Variants in MYOZ2 observed in about 807,000 individuals in gnomAD.
The protein encoded by MYOZ2 is myozenin-2.
MYOZ2 carries 19 observed loss-of-function variants against 25.4 expected under a neutral mutation model. The observed-to-expected ratio is 0.75, with a 90% CI of 0.52 to 1.10. The LOEUF is 1.10. Among genes scored for constraint, MYOZ2 ranks in the 50% least tolerant of loss-of-function variants. MYOZ2 has a pLI of 0.00. For missense variants in MYOZ2, 270 were observed against 317.9 expected (o/e 0.85, Z 1.15); for synonymous variants, 92 against 106.9 (o/e 0.86, Z 0.86).
intron 2 of MYOZ2, among the ~76,000 whole-genome samples, chr4:119,150,332 T>C (rs1414680020): frequency 6.6e-6 from 1 of 152,114 alleles, no homozygotes; most frequent in Non-Finnish European, 1.5e-5. Flanking sequence ...GCATTTGAGC[T>C]GGATTGGGGA....
chr4:119,152,742 AT>A (rs1363455169), intron 3 of MYOZ2, among the ~76,000 whole-genome samples: 3 of 152,196 alleles, frequency 2.0e-5, no homozygotes, highest in Non-Finnish European at 2.9e-5. Flanking sequence ...ATATTGATAA[AT>A]AACACAAAGC....
At chr4:119,179,944 A>C (rs1742155006) in intron 5 of MYOZ2, among the ~76,000 whole-genome samples, 1 of 152,244 alleles carries the variant, frequency 6.6e-6, no homozygotes, top group African/African-American at 2.4e-5. Flanking sequence ...TCCACCTCTT[A>C]ATACCACCAC....
In MYOZ2 at chr4:119,186,065, G is replaced by A; in HGVS notation, c.660G>A (p.Met220Ile). 6.2e-7 allele frequency: 1 copy of A among 1,613,936 alleles called. No homozygotes were observed. The highest frequency in any genetic ancestry group is 8.5e-7 in the Non-Finnish European group (1 of 1,179,964). The change falls in exon 6 of 6, where the codon ATG (methionine) becomes ATA (isoleucine). Residue 220 changes from methionine to isoleucine, a missense_variant. Coordinates refer to ENST00000307128, the MANE Select transcript of MYOZ2 (RefSeq NM_016599.5). ...ELLLLTDPRFMSFVNPLSGRR... is the reference protein window; with the variant it reads ...ELLLLTDPRFISFVNPLSGRR... Reference sequence around the variant, plus strand: ...TATTGCTAACAGATCCCAGGTTTATGTCCTTTGTCAATCCCCTTTCTGGCA... The same window carrying A: ...TATTGCTAACAGATCCCAGGTTTATATCCTTTGTCAATCCCCTTTCTGGCA...
intron 4 of MYOZ2, 41 bp from the exon 5 acceptor site, chr4:119,164,170 C>T (rs947330556): frequency 8.3e-6 from 13 of 1,573,324 alleles, no homozygotes; most frequent in Middle Eastern, 3.3e-4. Context: ...TAGTAACTCT[C>T]GGGCACAGTA....
At chr4:119,159,204 A>G (rs1464091088) in intron 4 of MYOZ2, among the ~76,000 whole-genome samples, 1 of 152,172 alleles carries the variant, frequency 6.6e-6, no homozygotes, top group Non-Finnish European at 1.5e-5. Flanking sequence ...TGGGAGGCTG[A>G]GGATCACTTT....
In MYOZ2 at chr4:119,186,264, T is replaced by A; in HGVS notation, c.*64T>A. 1 of 1,367,736 alleles carries A rather than the reference T, an allele frequency of 7.3e-7. No individual in the cohort carries two copies. Among genetic ancestry groups the A allele is most frequent in the Non-Finnish European group, 1.0e-6 (1 of 970,676 alleles). 84.7% of individuals were successfully genotyped at this position (1,367,736 alleles called of 1,614,324 possible). On this transcript the variant is annotated 3_prime_UTR_variant, in exon 6 of 6. Transcript: ENST00000307128. ...AAAGTTGCTGTTCTACTATTTTAAC[T>A]ACTGGCAAAGCCACTTGCATTTTTC...
chr4:119,156,366 T>A (rs1741576683), intron 3 of MYOZ2, among the ~76,000 whole-genome samples: 1 of 151,256 alleles, frequency 6.6e-6, no homozygotes, highest in South Asian at 2.1e-4. Flanking sequence ...GTGGTTTGGT[T>A]TTAAGCTTAG....
chr4:119,136,516 C>CA lies in MYOZ2; in HGVS notation c.-3dup, dbSNP rs397517288. ...ATGTCCCTTTGTTTTTAACAGGGAA[C>CA]AAAAAAACCATGCTATCACATAATA... is the stretch of plus-strand genomic sequence containing the variant. On this transcript the variant is annotated 5_prime_UTR_variant, in exon 2 of 6. Transcript: ENST00000307128. 1,629 of 1,612,438 alleles carry CA rather than the reference C, an allele frequency of 1.0e-3. 12 individuals carry two copies. The African/African-American group carries it at 0.018, about 18-fold the overall frequency.
chr4:119,173,880 G>GCAGC (rs1323122803), intron 5 of MYOZ2, among the ~76,000 whole-genome samples: 5 of 152,222 alleles, frequency 3.3e-5, no homozygotes, highest in African/African-American at 1.2e-4. Flanking sequence ...CGCACTCGGA[G>GCAGC]CAGCCAGCCA....
chr4:119,161,987 C>A (rs1741719119), intron 4 of MYOZ2, among the ~76,000 whole-genome samples: 1 of 152,062 alleles, frequency 6.6e-6, no homozygotes, highest in South Asian at 2.1e-4. Flanking sequence ...TACCTCTGTT[C>A]AACTCCAGGA....
intron 5 of MYOZ2, among the ~76,000 whole-genome samples, chr4:119,178,645 C>T (rs1235274876): frequency 1.3e-5 from 2 of 152,116 alleles, no homozygotes; most frequent in African/African-American, 2.4e-5. Flanking sequence ...CTCGCTCTGT[C>T]GCCCAGGCTG....
intron 3 of MYOZ2, among the ~76,000 whole-genome samples, chr4:119,155,577 C>A (rs764858596): frequency 6.6e-6 from 1 of 152,032 alleles, no homozygotes; most frequent in Non-Finnish European, 1.5e-5. Flanking sequence ...GGTGAAACAG[C>A]TTGTGGGGCT....
intron 4 of MYOZ2, among the ~76,000 whole-genome samples, chr4:119,159,272 A>C (rs529631882): frequency 1.3e-5 from 2 of 152,296 alleles, no homozygotes; most frequent in South Asian, 4.1e-4. Flanking sequence ...TCTACAAAAA[A>C]TAAATAAATA....
chr4:119,141,258 G>A (rs1046699530), intron 2 of MYOZ2, among the ~76,000 whole-genome samples: 16 of 152,160 alleles, frequency 1.1e-4, no homozygotes, highest in Non-Finnish European at 1.6e-4. Flanking sequence ...GTCTTTTGTC[G>A]TACTACAATT....
At chr4:119,155,576 G>A (rs184351908) in intron 3 of MYOZ2, among the ~76,000 whole-genome samples, 2 of 152,276 alleles carry the variant, frequency 1.3e-5, no homozygotes, top group African/African-American at 4.8e-5. Context: ...AGGTGAAACA[G>A]CTTGTGGGGC....
chr4:119,164,858 T>C (rs1741786936), intron 5 of MYOZ2, among the ~76,000 whole-genome samples: 1 of 152,016 alleles, frequency 6.6e-6, no homozygotes, highest in African/African-American at 2.4e-5. Flanking sequence ...AGAGACTTAA[T>C]GGCCCAAGAT....
At chr4:119,166,038 CGTGT>C (rs146485825) in intron 5 of MYOZ2, among the ~76,000 whole-genome samples, 10,541 of 150,296 alleles carry the variant, frequency 0.07, 709 homozygotes, top group African/African-American at 0.17. Flanking sequence ...TGTGTGTGTG[CGTGT>C]GTGTGTGTGT....
intron 4 of MYOZ2, among the ~76,000 whole-genome samples, chr4:119,163,567 G>C (rs1351534820): frequency 1.3e-5 from 2 of 152,186 alleles, no homozygotes; most frequent in East Asian, 3.8e-4. Context: ...ATAAACTGGG[G>C]AGGTGAGATC....
intron 4 of MYOZ2, among the ~76,000 whole-genome samples, chr4:119,158,941 C>T (rs944625287): frequency 8.6e-5 from 13 of 152,022 alleles, no homozygotes; most frequent in African/African-American, 2.9e-4. Flanking sequence ...GTACATTTTA[C>T]AATAACTAAA....
Sources: allele counts gnomAD v4.1 joint callset (sites outside exome capture counted in the v4.1 genomes callset), GRCh38; gene constraint gnomAD v4.1.1; transcripts MANE v1.5; gene names NCBI Gene and HGNC (gene_info 2026-07-23, HGNC 2026-07-21).